Variants in SGPL1 observed in about 807,000 individuals in gnomAD.
SGPL1 encodes the protein sphingosine-1-phosphate lyase 1.
Under a neutral mutation model 68.9 loss-of-function variants are expected in SGPL1, and 37 were observed. That is an observed-to-expected ratio of 0.54 (90% CI 0.41 to 0.71). The LOEUF is 0.71. SGPL1 is among the 30% of genes least tolerant of loss of function. The pLI, the probability that SGPL1 is intolerant of heterozygous loss-of-function variation, is 0.00. For missense variants in SGPL1, 551 were observed against 704.6 expected (o/e 0.78, Z 2.47); for synonymous variants, 236 against 248.5 (o/e 0.95, Z 0.47).
chr10:70,846,680 A>G (rs1397505352), intron 3 of SGPL1, among the ~76,000 whole-genome samples: 1 of 152,254 alleles, frequency 6.6e-6, no homozygotes, highest in Admixed American at 6.5e-5. Context: ...TGGTACATTT[A>G]TGAAATAAGG....
intron 5 of SGPL1, 109 bp from the exon 6 acceptor site, chr10:70,857,505 C>A (rs923770473): frequency 2.4e-6 from 2 of 825,618 alleles, no homozygotes; most frequent in Non-Finnish European, 4.0e-6. Context: ...TTCCACTCAA[C>A]ATTTTTTTCT....
At chr10:70,822,068 T>C (rs183736079) in intron 2 of SGPL1, among the ~76,000 whole-genome samples, 117 of 152,362 alleles carry the variant, frequency 7.7e-4, no homozygotes, top group African/African-American at 2.8e-3. Context: ...TGACTCTTTT[T>C]CAGGGATGCT....
chr10:70,866,560 C>G (rs1589472181), intron 7 of SGPL1: 1 of 152,146 alleles, frequency 6.6e-6, no homozygotes, highest in East Asian at 1.9e-4. Flanking sequence ...ATTACTGGAC[C>G]TTACGAAGAG....
chr10:70,863,206 T>G (rs1846110985), intron 7 of SGPL1, among the ~76,000 whole-genome samples: 1 of 151,902 alleles, frequency 6.6e-6, no homozygotes, highest in African/African-American at 2.4e-5. Flanking sequence ...AGGCTGGTGT[T>G]GAACTCCCAA....
chr10:70,873,525 G>A lies in SGPL1; in HGVS notation c.1234G>A (p.Gly412Ser), dbSNP rs754161093. 8 of 1,614,124 alleles carry A rather than the reference G, an allele frequency of 5.0e-6. No homozygotes were observed. The highest frequency in any genetic ancestry group is 4.0e-5 in the African/African-American group (3 of 74,942). ...AACWAALMHF[G>S]ENGYVEATKQ... ...CTGTTGGGCTGCCTTGATGCACTTC[G>A]GTGAGAACGGCTATGTTGAAGCTAC... Residue 412 changes from glycine to serine, a missense_variant, in exon 12 of 15, where the codon GGT becomes AGT. Physicochemically the swap from Gly to Ser is moderately conservative, Grantham distance 56. Coordinates refer to ENST00000373202, the MANE Select transcript of SGPL1 (RefSeq NM_003901.4).
intron 10 of SGPL1, 121 bp downstream of exon 10, chr10:70,871,267 G>A (rs1032830045): frequency 3.2e-6 from 2 of 622,928 alleles, no homozygotes; most frequent in Admixed American, 3.1e-5. Context: ...GTAGTGATAA[G>A]TAGCTCTCAT....
At chr10:70,862,285 T>C (rs1245820174) in intron 7 of SGPL1, among the ~76,000 whole-genome samples, 1 of 152,196 alleles carries the variant, frequency 6.6e-6, no homozygotes, top group Admixed American at 6.5e-5. Context: ...TGTATCTCGC[T>C]GCTCTGGTGG....
chr10:70,851,790 A>AGAG (rs1286745813), intron 4 of SGPL1, among the ~76,000 whole-genome samples: 7 of 152,228 alleles, frequency 4.6e-5, no homozygotes, highest in Admixed American at 2.6e-4. Flanking sequence ...CTGCCCTTGC[A>AGAG]GAGGGACAGC....
chr10:70,825,901 G>T (rs1845426023), intron 2 of SGPL1, among the ~76,000 whole-genome samples: 1 of 152,190 alleles, frequency 6.6e-6, no homozygotes, highest in Non-Finnish European at 1.5e-5. Flanking sequence ...GAGAAAACTG[G>T]CCTGGCGCGG....
chr10:70,848,379 T>C (rs937337913), intron 3 of SGPL1, among the ~76,000 whole-genome samples: 6 of 151,512 alleles, frequency 4.0e-5, no homozygotes, highest in Admixed American at 4.0e-4. Flanking sequence ...TGTATGTTTA[T>C]GATGTACAAC....
chr10:70,856,972 T>C (rs1350217456), intron 5 of SGPL1, among the ~76,000 whole-genome samples: 2 of 152,232 alleles, frequency 1.3e-5, no homozygotes, highest in Admixed American at 6.5e-5. Context: ...TTTATCCCAA[T>C]GTTGACTGTG....
At chr10:70,875,360 T>C in intron 12 of SGPL1, 42 bp from the exon 13 acceptor site, 2 of 1,354,098 alleles carry the variant, frequency 1.5e-6, no homozygotes, top group Non-Finnish European at 2.1e-6. Context: ...TGTATGTGAC[T>C]GAATTTACTT....
At chr10:70,851,295 A>T (rs1845876594) in intron 4 of SGPL1, 85 bp downstream of exon 4, 1 of 1,175,822 alleles carries the variant, frequency 8.5e-7, no homozygotes, top group Non-Finnish European at 1.3e-6. Context: ...ATATTCTCAA[A>T]GTGGAGGGGT....
intron 2 of SGPL1, among the ~76,000 whole-genome samples, chr10:70,843,702 GGT>G (rs1845750374): frequency 1.3e-5 from 2 of 152,192 alleles, no homozygotes; most frequent in Admixed American, 1.3e-4. Flanking sequence ...TACACATGAT[GGT>G]AAGATATGGT....
intron 2 of SGPL1, among the ~76,000 whole-genome samples, chr10:70,827,940 GA>G (rs1375258430): frequency 6.6e-6 from 1 of 152,150 alleles, no homozygotes; most frequent in African/African-American, 2.4e-5. Context: ...GTGTTTGTGA[GA>G]TTCAGTCATG....
chr10:70,836,337 T>C (rs778605812), intron 2 of SGPL1, among the ~76,000 whole-genome samples: 2 of 152,198 alleles, frequency 1.3e-5, no homozygotes, highest in Non-Finnish European at 2.9e-5. Flanking sequence ...TATGATGTTT[T>C]GAAGCCCAGA....
chr10:70,863,132 A>G (rs1260334075), intron 7 of SGPL1, among the ~76,000 whole-genome samples: 1 of 151,962 alleles, frequency 6.6e-6, no homozygotes, highest in Non-Finnish European at 1.5e-5. Flanking sequence ...GACTACAGGC[A>G]TGCACCACCA....
At chr10:70,865,559 TCTTA>T (rs1209598659) in intron 7 of SGPL1, among the ~76,000 whole-genome samples, 1 of 152,230 alleles carries the variant, frequency 6.6e-6, no homozygotes, top group East Asian at 1.9e-4. Context: ...TCCCTTAGCT[TCTTA>T]CTTCTCTCTC....
chr10:70,873,824 T>G (rs1846339005), intron 12 of SGPL1, among the ~76,000 whole-genome samples: 1 of 152,194 alleles, frequency 6.6e-6, no homozygotes, highest in Admixed American at 6.5e-5. Flanking sequence ...CATTTGTAGT[T>G]TATCTCATCT....
Sources: allele counts gnomAD v4.1 joint callset (sites outside exome capture counted in the v4.1 genomes callset), GRCh38; gene constraint gnomAD v4.1.1; transcripts MANE v1.5; gene names NCBI Gene and HGNC (gene_info 2026-07-23, HGNC 2026-07-21).